The following FHIT variants were observed in gnomAD, a reference collection of about 807,000 sequenced individuals.
FHIT encodes fragile histidine triad diadenosine triphosphatase, also known as bis(5'-adenosyl)-triphosphatase.
FHIT carries 19 observed loss-of-function variants against 17.9 expected under a neutral mutation model. The ratio of observed to expected loss-of-function variants is 1.06; its 90% CI spans 0.74 to 1.56. The LOEUF (loss-of-function observed/expected upper bound fraction) is 1.56. FHIT is among the 40% of genes most tolerant of loss of function. FHIT has a pLI of 0.00. For missense variants in FHIT, 248 were observed against 189.2 expected, an observed-to-expected ratio of 1.31 and a Z score of -1.82; for synonymous variants, 81 against 69.7, an observed-to-expected ratio of 1.16 and a Z score of -0.81.
chr3:60,704,727 T>C (rs1035557858), intron 4 of FHIT, among the ~76,000 whole-genome samples: 1 of 152,176 alleles, frequency 6.6e-6, no homozygotes, highest in Admixed American at 6.5e-5. Flanking sequence ...AGTGATCCAA[T>C]TCTGTCAGGG....
chr3:60,584,441 G>T (rs1256191013), intron 4 of FHIT, among the ~76,000 whole-genome samples: 1 of 151,820 alleles, frequency 6.6e-6, no homozygotes, highest in Non-Finnish European at 1.5e-5. Context: ...AGTAACTGTG[G>T]GTTCAGGGAA....
chr3:60,501,819 G>C (rs573131562), intron 5 of FHIT, among the ~76,000 whole-genome samples: 1 of 152,286 alleles, frequency 6.6e-6, no homozygotes, highest in African/African-American at 2.4e-5. Flanking sequence ...GTTTTACTTG[G>C]AGTTATTCAT....
intron 5 of FHIT, among the ~76,000 whole-genome samples, chr3:60,242,670 A>T (rs1705192436): frequency 6.6e-6 from 1 of 152,026 alleles, no homozygotes; most frequent in Non-Finnish European, 1.5e-5. Context: ...GAGCACAGGG[A>T]TCCCCGAAAT....
chr3:60,465,119 A>T (rs1370481768), intron 5 of FHIT, among the ~76,000 whole-genome samples: 1 of 152,102 alleles, frequency 6.6e-6, no homozygotes, highest in East Asian at 1.9e-4. Context: ...CATTTCTCTG[A>T]TGATCAGTTA....
chr3:60,655,909 C>T (rs1200453715), intron 4 of FHIT, among the ~76,000 whole-genome samples: 1 of 152,156 alleles, frequency 6.6e-6, no homozygotes, highest in Non-Finnish European at 1.5e-5. Context: ...ACACTAGTGA[C>T]TCCACGTTTT....
chr3:59,916,873 A>C (rs1397896165), intron 8 of FHIT, among the ~76,000 whole-genome samples: 2 of 152,238 alleles, frequency 1.3e-5, no homozygotes, highest in Non-Finnish European at 2.9e-5. Flanking sequence ...ATTCTGAGTG[A>C]GAGACACCAA....
At chr3:60,512,964 G>C (rs975342441) in intron 5 of FHIT, among the ~76,000 whole-genome samples, 3 of 152,260 alleles carry the variant, frequency 2.0e-5, no homozygotes, top group Admixed American at 6.5e-5. Context: ...AGGAAAAAAA[G>C]CCAACTGAGA....
chr3:60,225,229 C>A (rs143961332), intron 5 of FHIT, among the ~76,000 whole-genome samples: 23 of 152,274 alleles, frequency 1.5e-4, no homozygotes, highest in African/African-American at 4.6e-4. Context: ...ATCTTTGTAT[C>A]CCTAGATACC....
At chr3:60,570,774 G>T (rs181730447) in intron 4 of FHIT, among the ~76,000 whole-genome samples, 5 of 143,962 alleles carry the variant, frequency 3.5e-5, no homozygotes, top group Admixed American at 2.1e-4. Flanking sequence ...AGAGCCTAGC[G>T]CATGTTATGG....
intron 5 of FHIT, among the ~76,000 whole-genome samples, chr3:60,334,806 A>G (rs1710156054): frequency 6.6e-6 from 1 of 152,222 alleles, no homozygotes; most frequent in Non-Finnish European, 1.5e-5. Context: ...TCAAGAACAA[A>G]ACCAACAAAC....
chr3:59,944,512 TTC>T (rs1421876521), intron 7 of FHIT, among the ~76,000 whole-genome samples: 3 of 70,932 alleles, frequency 4.2e-5, no homozygotes, highest in South Asian at 4.3e-4. Context: ...AAACATTTTT[TTC>T]TTTTTTTTTT....
intron 4 of FHIT, among the ~76,000 whole-genome samples, chr3:60,679,013 C>T (rs1553696141): frequency 6.7e-6 from 1 of 149,364 alleles, no homozygotes; most frequent in Non-Finnish European, 1.5e-5. Context: ...TTGTCTGTGA[C>T]ATAACACCAA....
At chr3:60,606,874 C>A (rs1207236534) in intron 4 of FHIT, among the ~76,000 whole-genome samples, 1 of 152,114 alleles carries the variant, frequency 6.6e-6, no homozygotes, top group Non-Finnish European at 1.5e-5. Context: ...TGTTAACTCC[C>A]CGATATCCTT....
At chr3:60,322,691 A>G (rs548998910) in intron 5 of FHIT, among the ~76,000 whole-genome samples, 2 of 152,350 alleles carry the variant, frequency 1.3e-5, no homozygotes, top group African/African-American at 4.8e-5. Context: ...GGAAAAGATT[A>G]ATAAGTACAA....
At chr3:60,338,477 C>T (rs112160080) in intron 5 of FHIT, among the ~76,000 whole-genome samples, 42 of 152,280 alleles carry the variant, frequency 2.8e-4, no homozygotes, top group East Asian at 7.7e-4. Flanking sequence ...TATAGGCATG[C>T]GCCACCATGT....
intron 4 of FHIT, among the ~76,000 whole-genome samples, chr3:60,598,449 C>T (rs2038340034): frequency 6.6e-6 from 1 of 152,140 alleles, no homozygotes; most frequent in African/African-American, 2.4e-5. Flanking sequence ...ATTTCACCAA[C>T]AGCAATTAAT....
intron 1 of FHIT, among the ~76,000 whole-genome samples, chr3:61,225,486 A>G (rs1360841683): frequency 6.6e-6 from 1 of 152,212 alleles, no homozygotes; most frequent in Non-Finnish European, 1.5e-5. Flanking sequence ...TCAGAACACA[A>G]TAGACTTAAC....
At chr3:60,770,387 C>T (rs1397763677) in intron 4 of FHIT, among the ~76,000 whole-genome samples, 2 of 152,082 alleles carry the variant, frequency 1.3e-5, no homozygotes, top group Admixed American at 1.3e-4. Flanking sequence ...ATAATGTTTG[C>T]TCCACATCAT....
intron 3 of FHIT, among the ~76,000 whole-genome samples, chr3:61,023,131 C>T (rs2032543130): frequency 6.6e-6 from 1 of 152,158 alleles, no homozygotes; most frequent in African/African-American, 2.4e-5. Flanking sequence ...AGCTGATAAG[C>T]AACTTCAGCA....
Sources: gnomAD v4.1 joint callset for allele counts (sites outside exome capture counted in the v4.1 genomes callset) on GRCh38, gnomAD v4.1.1 for gene constraint, MANE v1.5 for transcripts, NCBI Gene and HGNC (gene_info 2026-07-23, HGNC 2026-07-21) for gene names.